The following TNS1 variants were observed in gnomAD, a reference collection of about 807,000 sequenced individuals.
The protein encoded by TNS1 is tensin 1, also known as tensin-1.
In TNS1, 62 loss-of-function variants were observed where a neutral mutation model predicts 168.6. That is an observed-to-expected ratio of 0.37 (90% CI 0.30 to 0.45). TNS1 has a LOEUF of 0.45. TNS1 is among the 20% of genes least tolerant of loss of function. The pLI is 1.00. For synonymous variants in TNS1, 934 were observed against 933.2 expected (o/e 1.00, Z -0.02); for missense variants, 2,240 against 2,339.4 (o/e 0.96, Z 0.88).
chr2:217,807,319 T>C (rs536388739), intron 32 of TNS1, among the ~76,000 whole-genome samples: 14 of 152,320 alleles, frequency 9.2e-5, no homozygotes, highest in African/African-American at 2.4e-4. Context: ...CCCCAGGTTA[T>C]GCCTATATTT....
chr2:217,813,093 T>C lies in TNS1; in HGVS notation c.4954+122A>G. 1 of 695,468 alleles carries C rather than the reference T, an allele frequency of 1.4e-6. No homozygotes were observed. The highest frequency in any genetic ancestry group is 1.8e-5 in the African/African-American group (1 of 55,808). The allele number at this position is 695,468 out of a possible 1,614,324, so 43.1% of individuals were successfully genotyped here. A position where few individuals can be genotyped will look rare whatever the true frequency, so the allele number is the denominator to read the frequency against. On this transcript the variant is annotated intron_variant, in intron 27 of 32. Transcript: ENST00000682258. This position sits in a 1 kb window ranked among gnomAD's most constrained non-coding sequence, Gnocchi z 4.0. ...CTTTCATTCATTTTCTCTGCTGAATTTATGACAAGGGTGACTGGCAGAGCC... is the reference window on the plus strand; with the variant it reads ...CTTTCATTCATTTTCTCTGCTGAATCTATGACAAGGGTGACTGGCAGAGCC...
chr2:218,019,971 C>CT (rs753297119), intron 1 of TNS1, among the ~76,000 whole-genome samples: 5 of 152,136 alleles, frequency 3.3e-5, no homozygotes, highest in Non-Finnish European at 7.4e-5. Flanking sequence ...CTGCCCTACT[C>CT]TTTTTTGCAG....
rs565596219 is a variant in TNS1 at position 217,818,026 on chromosome 2, G to A, written c.4306C>T (p.Arg1436Trp). 28 of 1,598,718 alleles carry A rather than the reference G, an allele frequency of 1.8e-5. No homozygotes were observed. Among genetic ancestry groups the A allele is most frequent in the Middle Eastern group, 1.7e-4 (1 of 6,040 alleles). ...AYGGYSTPED[R>W]RPTLSRQSSA... ...CTCTGCCGGGACAGTGTGGGTCTCC[G>A]ATCCTCCGGGGTAGAATAGCCACCA... Residue 1436 changes from arginine (R) to tryptophan (W), a missense_variant, in exon 24 of 33, where the codon CGG becomes TGG. By Grantham distance (101) the Arg-to-Trp change is moderately radical. Around this residue, in one of 2 missense-constraint regions of TNS1, gnomAD observed 2,131 missense variants for 2,171.2 expected, o/e 0.98. Transcript: ENST00000682258.
chr2:217,826,750 G>A (rs527906680), intron 22 of TNS1, among the ~76,000 whole-genome samples: 6 of 152,202 alleles, frequency 3.9e-5, no homozygotes, highest in African/African-American at 1.2e-4. Context: ...TGGGGACAGG[G>A]AGGGTGCTTC....
At chr2:217,935,943 C>T (rs1051575531) in intron 3 of TNS1, among the ~76,000 whole-genome samples, 1 of 152,194 alleles carries the variant, frequency 6.6e-6, no homozygotes, top group Non-Finnish European at 1.5e-5. Context: ...GTGACCCCCA[C>T]ATCACACTGC....
At position 217,848,870 on chromosome 2, in the gene TNS1, C is replaced by T; in HGVS notation, c.1647G>A (p.Gly549=). The T allele has an allele frequency of 6.2e-7, 1 of 1,613,998 alleles. No homozygotes were observed. Residue 549 remains glycine (G), a synonymous_variant, in exon 19 of 33, where the codon GGG becomes GGA. Coordinates refer to ENST00000682258, the MANE Select transcript of TNS1 (RefSeq NM_001387777.1). ...KTDKTDEPVP[G]ASSATAALSP... ...TCAAGGCAGCAGTGGCACTGGAGGCCCCGGGGACAGGCTCGTCGGTCTTGT... is the reference window on the plus strand; with the variant it reads ...TCAAGGCAGCAGTGGCACTGGAGGCTCCGGGGACAGGCTCGTCGGTCTTGT...
chr2:217,945,044 G>A (rs1286606958), intron 3 of TNS1, among the ~76,000 whole-genome samples: 7 of 152,076 alleles, frequency 4.6e-5, no homozygotes, highest in African/African-American at 1.4e-4. Context: ...TCGTGACCTC[G>A]GAGCACAGAG....
chr2:218,010,100 C>T (rs1958692473), exon 1 of TNS1: 2 of 399,044 alleles, frequency 5.0e-6, no homozygotes, highest in Non-Finnish European at 8.8e-6. Context: ...GAGCATTTAC[C>T]TGGCTGCGGA....
intron 3 of TNS1, among the ~76,000 whole-genome samples, chr2:217,953,614 TGCCCACTCCCA>T (rs1434772290): frequency 6.6e-6 from 1 of 152,130 alleles, no homozygotes; most frequent in Non-Finnish European, 1.5e-5. Flanking sequence ...CACTTGCCTT[TGCCCACTCCCA>T]CCCACCTCAC....
chr2:217,910,257 G>A (rs1954213627), intron 4 of TNS1, among the ~76,000 whole-genome samples: 1 of 152,162 alleles, frequency 6.6e-6, no homozygotes, highest in East Asian at 1.9e-4. Flanking sequence ...CGGCCACAGG[G>A]TGACGCTTGC....
At chr2:217,940,004 G>A (rs770097739) in intron 3 of TNS1, among the ~76,000 whole-genome samples, 16 of 152,244 alleles carry the variant, frequency 1.1e-4, no homozygotes, top group African/African-American at 1.9e-4. Context: ...GGGAAGGGCC[G>A]GTGTGACCTT....
At chr2:217,907,381 C>A in intron 4 of TNS1, 130 bp from the exon 5 acceptor site, 1 of 653,180 alleles carries the variant, frequency 1.5e-6, no homozygotes, top group South Asian at 1.7e-5. Flanking sequence ...CAACCCAAGA[C>A]TCAGGCATAA....
chr2:217,936,772 A>G (rs1031851666), intron 3 of TNS1, among the ~76,000 whole-genome samples: 1 of 151,992 alleles, frequency 6.6e-6, no homozygotes, highest in African/African-American at 2.4e-5. Context: ...TTTCCCACAC[A>G]TGCCATTTTA....
At chr2:217,994,020 G>A (rs1015143793) in intron 1 of TNS1, among the ~76,000 whole-genome samples, 3 of 152,204 alleles carry the variant, frequency 2.0e-5, no homozygotes, top group Admixed American at 6.5e-5. Context: ...TGCGGAGGGT[G>A]GGGAGCTGGA....
intron 18 of TNS1, chr2:217,858,593 C>T: frequency 1.0e-6 from 1 of 986,008 alleles, no homozygotes; most frequent in Non-Finnish European, 1.2e-6. Context: ...GCTGCAGCTC[C>T]AAGTGCTGTC....
rs1941360176 is a variant in TNS1, at chr2:217,813,581, G to A, written c.4861+104C>T. 1 of 1,473,078 alleles carries A rather than the reference G, an allele frequency of 6.8e-7. No individual in the cohort carries two copies. The highest frequency in any genetic ancestry group is 1.4e-5 in the African/African-American group (1 of 70,984). The allele number at this position is 1,473,078 out of a possible 1,614,324, so 91.3% of individuals were successfully genotyped here. ...ACACCCTCTTCCGAAGAGCCTGATG[G>A]GAGTTAAGGTCCTGCCCAGCACCCT... On this transcript the variant is annotated intron_variant, in intron 26 of 32. Coordinates refer to ENST00000682258, the MANE Select transcript of TNS1 (RefSeq NM_001387777.1). This position sits in a 1 kb window ranked among gnomAD's most constrained non-coding sequence, Gnocchi z 4.0.
intron 18 of TNS1, chr2:217,879,305 C>T (rs1950474404): frequency 2.8e-6 from 1 of 359,252 alleles, no homozygotes; most frequent in Non-Finnish European, 5.6e-6. Context: ...TTTCCAATTG[C>T]CAAATGTTCT....
At chr2:218,031,197 T>A (rs1958893577) in intron 1 of TNS1, among the ~76,000 whole-genome samples, 1 of 147,746 alleles carries the variant, frequency 6.8e-6, no homozygotes, top group African/African-American at 2.5e-5. Context: ...TGTGTCTGTA[T>A]GTGTGTGAGT....
At chr2:217,810,036 G>T in intron 29 of TNS1, 45 bp from the exon 30 acceptor site, 1 of 1,596,580 alleles carries the variant, frequency 6.3e-7, no homozygotes, top group South Asian at 1.1e-5. Flanking sequence ...GCTGGCGTGG[G>T]TGAGGACATT....
Sources: gnomAD v4.1 joint callset for allele counts (sites outside exome capture counted in the v4.1 genomes callset) on GRCh38, gnomAD v4.1.1 for gene constraint, gnomAD v4.1.1 regional missense constraint, Gnocchi (gnomAD v3.1) non-coding constraint, MANE v1.5 for transcripts, NCBI Gene and HGNC (gene_info 2026-07-23, HGNC 2026-07-21) for gene names.